Variants in DGKG observed in about 807,000 individuals in gnomAD.
DGKG encodes diacylglycerol kinase gamma, also known as DAG kinase gamma.
DGKG carries 78 observed loss-of-function variants against 105.3 expected under a neutral mutation model. The ratio of observed to expected loss-of-function variants is 0.74; its 90% CI spans 0.62 to 0.89. DGKG has a LOEUF of 0.89. Among genes scored for constraint, DGKG ranks in the 40% least tolerant of loss-of-function variants. The pLI is 0.00. For missense variants in DGKG, 958 were observed against 1,020.1 expected (o/e 0.94, Z 0.83); for synonymous variants, 346 against 367.1 (o/e 0.94, Z 0.66).
chr3:186,151,178 AGATT>A (rs1715741071), intron 24 of DGKG, among the ~76,000 whole-genome samples: 1 of 152,270 alleles, frequency 6.6e-6, no homozygotes, highest in South Asian at 2.1e-4. Context: ...ATCAAAGAAT[AGATT>A]GTCAATGAAA....
At chr3:186,321,459 TGGTTATACTGA>T (rs1168001276) in intron 1 of DGKG, among the ~76,000 whole-genome samples, 2 of 152,198 alleles carry the variant, frequency 1.3e-5, no homozygotes, top group East Asian at 3.8e-4. Context: ...TATACACCCA[TGGTTATACTGA>T]TCATATTGTG....
intron 23 of DGKG, among the ~76,000 whole-genome samples, chr3:186,163,346 C>T (rs972067792): frequency 2.0e-5 from 3 of 152,130 alleles, no homozygotes; most frequent in African/African-American, 7.2e-5. Flanking sequence ...TCTGACTTCC[C>T]TCTGCAGAAG....
chr3:186,243,935 C>T lies in DGKG; in HGVS notation c.1762-1367G>A, dbSNP rs1336622832. Among the ~76,000 whole-genome samples the T allele has an allele frequency of 9.0e-5, 9 of 99,864 alleles. No homozygotes were observed. In the East Asian group the frequency reaches 9.7e-4, roughly 11 times the overall value. The allele number at this position is 99,864 out of a possible 152,430, so 65.5% of individuals were successfully genotyped here. A position where few individuals can be genotyped will look rare whatever the true frequency, so the allele number is the denominator to read the frequency against. ...TTTTGAGATGGAGTTTTGCTCTTGT[C>T]GCCCAGGCTGGAGTGCAGTGGCATG... On this transcript the variant is annotated intron_variant, in intron 19 of 24. Coordinates refer to ENST00000265022, the MANE Select transcript of DGKG (RefSeq NM_001346.3).
intron 1 of DGKG, among the ~76,000 whole-genome samples, chr3:186,340,338 C>T (rs769562523): frequency 2.4e-4 from 37 of 151,982 alleles, no homozygotes; most frequent in Non-Finnish European, 2.2e-4. Context: ...GATGTGTGGG[C>T]CAGACTAATA....
At chr3:186,180,632 A>G (rs1052429001) in intron 22 of DGKG, among the ~76,000 whole-genome samples, 6 of 152,126 alleles carry the variant, frequency 3.9e-5, no homozygotes, top group African/African-American at 1.4e-4. Flanking sequence ...ACTGAATGGG[A>G]AAATTGGGAA....
intron 2 of DGKG, among the ~76,000 whole-genome samples, chr3:186,316,798 G>C (rs746353964): frequency 2.7e-4 from 41 of 152,332 alleles, no homozygotes; most frequent in Non-Finnish European, 4.6e-4. Flanking sequence ...TTCTCAGGCT[G>C]TACACTTCAT....
intron 1 of DGKG, among the ~76,000 whole-genome samples, chr3:186,323,558 C>A (rs1725181426): frequency 6.6e-6 from 1 of 152,160 alleles, no homozygotes; most frequent in Non-Finnish European, 1.5e-5. Flanking sequence ...CTTTAGGAGG[C>A]TAAGATGGGC....
chr3:186,248,080 T>C (rs1721032657), intron 19 of DGKG, among the ~76,000 whole-genome samples: 2 of 152,226 alleles, frequency 1.3e-5, no homozygotes, highest in South Asian at 4.1e-4. Context: ...CTGAATAGTC[T>C]TGGCTCTTGG....
At chr3:186,347,434 G>C (rs925203947) in intron 1 of DGKG, among the ~76,000 whole-genome samples, 5 of 120,734 alleles carry the variant, frequency 4.1e-5, no homozygotes, top group Middle Eastern at 6.8e-3. Context: ...GGGCGACAGA[G>C]TGAGACTCAG....
intron 3 of DGKG, among the ~76,000 whole-genome samples, chr3:186,302,688 T>C (rs553283379): frequency 6.6e-6 from 1 of 151,654 alleles, no homozygotes; most frequent in African/African-American, 2.4e-5. Context: ...CACAGTACAG[T>C]GCTGGGCACC....
At chr3:186,200,418 G>T (rs1247564523) in intron 21 of DGKG, among the ~76,000 whole-genome samples, 1 of 152,206 alleles carries the variant, frequency 6.6e-6, no homozygotes, top group Non-Finnish European at 1.5e-5. Flanking sequence ...ACATCAGGAA[G>T]AACTTTCTGA....
intron 9 of DGKG, 157 bp downstream of exon 9, chr3:186,279,694 G>T: frequency 1.5e-6 from 1 of 687,940 alleles, no homozygotes; most frequent in Non-Finnish European, 2.4e-6. Flanking sequence ...AGGCACTAAT[G>T]GATACAAAAT....
chr3:186,167,347 G>A (rs1039807004), intron 22 of DGKG, among the ~76,000 whole-genome samples: 1 of 152,140 alleles, frequency 6.6e-6, no homozygotes, highest in East Asian at 1.9e-4. Flanking sequence ...GCCTACAGAG[G>A]TCTTGAGGTA....
Position 186,148,896 on chromosome 3 carries a change from T to C in DGKG, c.*1194A>G. 1 of 982,622 alleles carries C rather than the reference T, an allele frequency of 1.0e-6. No individual in the cohort carries two copies. Among genetic ancestry groups the C allele is most frequent in the Non-Finnish European group, 1.2e-6 (1 of 829,078 alleles). The allele number at this position is 982,622 out of a possible 1,614,324, so 60.9% of individuals were successfully genotyped here. A position where few individuals can be genotyped will look rare whatever the true frequency, so the allele number is the denominator to read the frequency against. On this transcript the variant is annotated 3_prime_UTR_variant, in exon 25 of 25. Transcript: ENST00000265022. ...AGAACCTTCTTTTTCCTTACCACTT[T>C]CTGTCTCATACTACCTATGTTTTTT...
chr3:186,318,331 T>C (rs1724913721), intron 2 of DGKG, among the ~76,000 whole-genome samples: 1 of 152,178 alleles, frequency 6.6e-6, no homozygotes, highest in Admixed American at 6.5e-5. Context: ...GCTTAGTGGG[T>C]GTGTTATCAC....
At chr3:186,237,408 C>T (rs9879128) in intron 20 of DGKG, among the ~76,000 whole-genome samples, 6 of 152,166 alleles carry the variant, frequency 3.9e-5, no homozygotes, top group African/African-American at 1.4e-4. Flanking sequence ...AGTCCTGCTC[C>T]TTGCTGTGGA....
intron 1 of DGKG, among the ~76,000 whole-genome samples, chr3:186,338,185 AAAAGAAAGAAGG>A (rs1725920812): frequency 1.3e-5 from 2 of 151,366 alleles, no homozygotes; most frequent in African/African-American, 4.9e-5. Flanking sequence ...AAAAAAAAAA[AAAAGAAAGAAGG>A]AAAAGTAGAA....
At chr3:186,321,939 T>G (rs1302392702) in intron 1 of DGKG, among the ~76,000 whole-genome samples, 2 of 152,204 alleles carry the variant, frequency 1.3e-5, no homozygotes, top group East Asian at 3.9e-4. Context: ...TCGACTCTGC[T>G]CCTTGGCACA....
chr3:186,348,845 C>A lies in DGKG; in HGVS notation c.-249+13101G>T, dbSNP rs139561283. Among the ~76,000 whole-genome samples the A allele has an allele frequency of 6.6e-3, 1,011 of 152,182 alleles. 13 individuals carry two copies. Among genetic ancestry groups the A allele is most frequent in the African/African-American group, 0.023 (940 of 41,536 alleles). ...AATGTCTGACACTTGCTTATTTTTT[C>A]TCTGAAAATAAAACATTGTTTTTCT... On this transcript the variant is annotated intron_variant, in intron 1 of 24. Coordinates refer to ENST00000265022, the MANE Select transcript of DGKG (RefSeq NM_001346.3).
Sources: allele counts gnomAD v4.1 joint callset (sites outside exome capture counted in the v4.1 genomes callset), GRCh38; gene constraint gnomAD v4.1.1; transcripts MANE v1.5; gene names NCBI Gene and HGNC (gene_info 2026-07-23, HGNC 2026-07-21).